The following PDE10A variants were observed in gnomAD, a reference collection of about 807,000 sequenced individuals.
PDE10A encodes phosphodiesterase 10A.
Under a neutral mutation model 97.7 loss-of-function variants are expected in PDE10A, and 39 were observed. The observed-to-expected ratio is 0.40, with a 90% confidence interval of 0.31 to 0.52. The LOEUF (loss-of-function observed/expected upper bound fraction) is 0.52, where lower values mean the gene tolerates loss of function less well. Ranked by LOEUF, PDE10A falls within the 20% of genes least tolerant of loss-of-function variation. PDE10A has a pLI of 0.56. For missense variants in PDE10A, 731 were observed against 1,047.8 expected (o/e 0.70, Z 4.17); for synonymous variants, 371 against 376.8 (o/e 0.98, Z 0.18).
intron 1 of PDE10A, among the ~76,000 whole-genome samples, chr6:165,868,707 T>C (rs1781119507): frequency 6.6e-6 from 1 of 151,890 alleles, no homozygotes; most frequent in African/African-American, 2.4e-5. Context: ...GACATAATTT[T>C]TTTAGAAAAG....
At chr6:165,605,402 C>T (rs1274151185) in intron 1 of PDE10A, among the ~76,000 whole-genome samples, 1 of 152,238 alleles carries the variant, frequency 6.6e-6, no homozygotes, top group Non-Finnish European at 1.5e-5. Flanking sequence ...ACCATTTCTC[C>T]AACTGTGCTC....
At chr6:165,422,379 G>A (rs1188495523) in intron 10 of PDE10A, among the ~76,000 whole-genome samples, 1 of 114,722 alleles carries the variant, frequency 8.7e-6, no homozygotes, top group Non-Finnish European at 1.8e-5. Flanking sequence ...ACACACACAG[G>A]CATACACACA....
intron 10 of PDE10A, among the ~76,000 whole-genome samples, chr6:165,425,028 C>G (rs994439932): frequency 7.2e-5 from 11 of 152,060 alleles, no homozygotes; most frequent in Non-Finnish European, 1.6e-4. Context: ...TCTGTTGTTT[C>G]CATTCAACAG....
chr6:165,376,227 G>A (rs1033665338), intron 18 of PDE10A, among the ~76,000 whole-genome samples: 2 of 152,328 alleles, frequency 1.3e-5, no homozygotes, highest in African/African-American at 4.8e-5. Context: ...ATGATTCACA[G>A]GAGGTAGTCA....
At chr6:165,780,831 G>T (rs927574318) in intron 1 of PDE10A, 1 of 152,286 alleles carries the variant, frequency 6.6e-6, no homozygotes, top group Non-Finnish European at 1.5e-5. Flanking sequence ...GTATCTGACT[G>T]CTGGATGGTT....
chr6:165,829,958 C>T (rs113254312), intron 1 of PDE10A, among the ~76,000 whole-genome samples: 43 of 152,274 alleles, frequency 2.8e-4, no homozygotes, highest in African/African-American at 9.6e-4. Context: ...ATGTACAACA[C>T]GGACAACTGT....
intron 1 of PDE10A, among the ~76,000 whole-genome samples, chr6:165,964,142 A>T (rs1482803815): frequency 6.6e-6 from 1 of 152,128 alleles, no homozygotes; most frequent in African/African-American, 2.4e-5. Context: ...ATAATATTTA[A>T]CCCACTTCTT....
chr6:165,460,211 C>T (rs1324066641), intron 3 of PDE10A, among the ~76,000 whole-genome samples: 1 of 152,168 alleles, frequency 6.6e-6, no homozygotes, highest in Non-Finnish European at 1.5e-5. Flanking sequence ...AGCCTGTGGA[C>T]CCTTGCCAGC....
At chr6:165,727,275 C>T (rs6904182) in intron 1 of PDE10A, among the ~76,000 whole-genome samples, 17,200 of 152,194 alleles carry the variant, frequency 0.11, 2,437 homozygotes, top group African/African-American at 0.33. Flanking sequence ...TAAAGACGGG[C>T]GCCAGATTTC....
At chr6:165,810,953 T>A (rs1779266238) in intron 1 of PDE10A, among the ~76,000 whole-genome samples, 1 of 152,146 alleles carries the variant, frequency 6.6e-6, no homozygotes, top group South Asian at 2.1e-4. Context: ...AGGCCGGATG[T>A]GGTGGCTCAC....
chr6:165,627,871 C>T (rs1453268454), intron 1 of PDE10A, among the ~76,000 whole-genome samples: 1 of 152,186 alleles, frequency 6.6e-6, no homozygotes, highest in East Asian at 1.9e-4. Context: ...ATCTGAGAAG[C>T]CGCATTACCT....
chr6:165,983,179 G>A (rs1337150482), intron 1 of PDE10A, among the ~76,000 whole-genome samples: 1 of 152,082 alleles, frequency 6.6e-6, no homozygotes, highest in Non-Finnish European at 1.5e-5. Flanking sequence ...CTTTTGCCTA[G>A]TTAAATTAAG....
At chr6:165,587,639 G>T (rs912419201) in intron 1 of PDE10A, among the ~76,000 whole-genome samples, 3 of 144,262 alleles carry the variant, frequency 2.1e-5, no homozygotes, top group African/African-American at 5.0e-5. Flanking sequence ...ATATTTGGGG[G>T]ATTTCTCTAA....
At chr6:165,979,978 T>C (rs1784963159) in intron 1 of PDE10A, among the ~76,000 whole-genome samples, 1 of 152,174 alleles carries the variant, frequency 6.6e-6, no homozygotes, top group Non-Finnish European at 1.5e-5. Flanking sequence ...TACAGCAAAA[T>C]CACAAACCTG....
intron 1 of PDE10A, among the ~76,000 whole-genome samples, chr6:165,761,279 T>C (rs1201267210): frequency 2.0e-5 from 3 of 152,224 alleles, no homozygotes; most frequent in Non-Finnish European, 4.4e-5. Context: ...AAAACGAGGC[T>C]AAATATCCTA....
At chr6:165,628,063 C>A (rs908321730) in intron 1 of PDE10A, among the ~76,000 whole-genome samples, 2 of 152,156 alleles carry the variant, frequency 1.3e-5, no homozygotes, top group Non-Finnish European at 2.9e-5. Context: ...ATTATAGTAA[C>A]CTTAAATGAT....
intron 1 of PDE10A, among the ~76,000 whole-genome samples, chr6:165,873,853 T>C (rs1259232367): frequency 1.3e-5 from 2 of 152,258 alleles, no homozygotes; most frequent in Non-Finnish European, 1.5e-5. Context: ...ATTTGTTTAC[T>C]ACTGGGTTTT....
At chr6:165,728,754 C>G (rs983421334) in intron 1 of PDE10A, among the ~76,000 whole-genome samples, 4 of 152,020 alleles carry the variant, frequency 2.6e-5, no homozygotes, top group African/African-American at 9.7e-5. Flanking sequence ...ATGACCATAC[C>G]CAAAGACACA....
intron 16 of PDE10A, among the ~76,000 whole-genome samples, chr6:165,390,284 G>C (rs918121237): frequency 4.6e-5 from 7 of 152,210 alleles, no homozygotes; most frequent in African/African-American, 1.4e-4. Flanking sequence ...GATCTCGCAA[G>C]GTGTGGGTCA....
Sources: gnomAD v4.1 joint callset for allele counts (sites outside exome capture counted in the v4.1 genomes callset) on GRCh38, gnomAD v4.1.1 for gene constraint, MANE v1.5 for transcripts, NCBI Gene and HGNC (gene_info 2026-07-23, HGNC 2026-07-21) for gene names.